Variants in SLC27A3 observed in about 807,000 individuals in gnomAD.
SLC27A3 encodes long-chain fatty acid transport protein 3.
In SLC27A3, 60 loss-of-function variants were observed where a neutral mutation model predicts 60.1. The ratio of observed to expected loss-of-function variants is 1.00; its 90% CI spans 0.81 to 1.24. The LOEUF (loss-of-function observed/expected upper bound fraction) is 1.24, where lower values mean the gene tolerates loss of function less well. SLC27A3 is among the 50% of genes most tolerant of loss of function. The probability of loss-of-function intolerance (pLI) is 0.00; values close to 1 mark genes in which losing one functional copy is unlikely to be tolerated. For synonymous variants in SLC27A3, 455 were observed against 409.0 expected, an observed-to-expected ratio of 1.11 and a Z score of -1.36; for missense variants, 1,079 against 929.9, an observed-to-expected ratio of 1.16 and a Z score of -2.09.
rs532402331 is a variant in SLC27A3, at chr1:153,776,076, C to A, written c.579C>A (p.Arg193=). 3.4e-6 allele frequency: 5 copies of A among 1,479,900 alleles called. No homozygotes were observed. Among genetic ancestry groups the A allele is most frequent in the Admixed American group, 2.6e-5 (1 of 39,166 alleles). 91.7% of individuals were successfully genotyped at this position (1,479,900 alleles called of 1,614,324 possible). A position where few individuals can be genotyped will look rare whatever the true frequency, so the allele number is the denominator to read the frequency against. ...LWFGLAKAGL[R]TAFVPTALRR... ...TCGGGCTGGCCAAGGCCGGCCTGCG[C>A]ACTGCCTTTGTGCCCACCGCCCTGC... Residue 193 remains arginine, a synonymous_variant, in exon 1 of 10, where the codon CGC becomes CGA. Transcript: ENST00000624995.
intron 3 of SLC27A3, chr1:153,777,536 T>C: frequency 1.6e-6 from 1 of 610,200 alleles, no homozygotes; most frequent in Non-Finnish European, 2.8e-6. Flanking sequence ...ATGAGATCTT[T>C]GGGGCTGGGA....
Position 153,779,185 on chromosome 1 carries a change from T to G in SLC27A3, c.1718T>G (p.Val573Gly). 1 of 1,613,936 alleles carries G rather than the reference T, an allele frequency of 6.2e-7. No individual in the cohort carries two copies. The highest frequency in any genetic ancestry group is 8.5e-7 in the Non-Finnish European group (1 of 1,179,964). ...VFEALDFLQE[V>G]NVYGVTVPGH... ...GAGGCCCTAGATTTTCTTCAGGAGG[T>G]GAACGTCTATGGAGTCACTGTGCCA... The change falls in exon 8 of 10, where the codon GTG becomes GGG. Residue 573 changes from valine (V) to glycine (G), a missense_variant. Val to Gly is a moderately radical substitution (Grantham distance 109). Coordinates refer to ENST00000624995, the MANE Select transcript of SLC27A3 (RefSeq NM_024330.4).
intron 1 of SLC27A3, 143 bp from the exon 2 acceptor site, chr1:153,776,374 TC>T: frequency 3.8e-6 from 5 of 1,314,798 alleles, no homozygotes; most frequent in Non-Finnish European, 5.1e-6. Context: ...GGAGTCGAGT[TC>T]CAGGCCTCAG....
intron 4 of SLC27A3, 132 bp from the exon 5 acceptor site, chr1:153,778,029 G>C: frequency 6.8e-7 from 1 of 1,474,420 alleles, no homozygotes; most frequent in South Asian, 1.3e-5. Context: ...AGATGGCCTA[G>C]GCCATCTGAT....
chr1:153,777,649 C>T (rs1396255808), intron 3 of SLC27A3, 112 bp from the exon 4 acceptor site: 4 of 1,360,598 alleles, frequency 2.9e-6, no homozygotes, highest in African/African-American at 1.4e-5. Flanking sequence ...CCACAGTGGG[C>T]CCTTCCCAGG....
At chr1:153,777,360 G>C (rs1673284120) in intron 3 of SLC27A3, 140 bp downstream of exon 3, 2 of 1,047,320 alleles carry the variant, frequency 1.9e-6, no homozygotes, top group African/African-American at 1.6e-5. Flanking sequence ...CTGTACAATA[G>C]GGCAATGTCA....
chr1:153,778,913 C>T (rs1673382726), intron 7 of SLC27A3, 28 bp downstream of exon 7: 2 of 1,601,918 alleles, frequency 1.2e-6, no homozygotes, highest in African/African-American at 1.3e-5. Context: ...GTTTTTCATC[C>T]TGGACATCTG....
At chr1:153,778,094 C>G in intron 4 of SLC27A3, 67 bp from the exon 5 acceptor site, 1 of 1,542,412 alleles carries the variant, frequency 6.5e-7, no homozygotes, top group Non-Finnish European at 8.7e-7. Context: ...GAATGGGGAA[C>G]AGGAATTCAC....
rs753997738 is a variant in SLC27A3 at position 153,780,053 on chromosome 1, C to T, written c.*51C>T. 15 of 1,529,396 alleles carry T rather than the reference C, an allele frequency of 9.8e-6. No individual in the cohort carries two copies. Among genetic ancestry groups the T allele is most frequent in the East Asian group, 2.4e-5 (1 of 41,814 alleles). 94.7% of individuals were successfully genotyped at this position (1,529,396 alleles called of 1,614,324 possible). A position where few individuals can be genotyped will look rare whatever the true frequency, so the allele number is the denominator to read the frequency against. ...GAGAGGAACTCTGTGGGGTGGGGGC[C>T]GTTGCAGGTGTACTGGGCTGTCAGG... On this transcript the variant is annotated 3_prime_UTR_variant, in exon 10 of 10. Coordinates refer to ENST00000624995, the MANE Select transcript of SLC27A3 (RefSeq NM_024330.4).
At position 153,779,564 on chromosome 1, in the gene SLC27A3, C is replaced by T; in HGVS notation, c.1875+91C>T. The T allele has an allele frequency of 3.5e-6, 5 of 1,430,538 alleles. No individual in the cohort carries two copies. In the South Asian group the frequency reaches 5.1e-5, roughly 15 times the overall value. The allele number at this position is 1,430,538 out of a possible 1,614,324, so 88.6% of individuals were successfully genotyped here. ...GTATCAACTTAGGAGTTTGATGGCT[C>T]CCAAACTCCACAAAGGGACCCCCAA... On this transcript the variant is annotated intron_variant, in intron 9 of 9. Coordinates refer to ENST00000624995, the MANE Select transcript of SLC27A3 (RefSeq NM_024330.4).
At chr1:153,777,578 C>A in intron 3 of SLC27A3, 183 bp from the exon 4 acceptor site, 1 of 751,400 alleles carries the variant, frequency 1.3e-6, no homozygotes, top group Non-Finnish European at 2.2e-6. Flanking sequence ...TCTTCTAAGG[C>A]TGGGGACAGG....
In SLC27A3 at chr1:153,777,848, T is replaced by C. The variant is rs146814975; in HGVS notation, c.1124T>C (p.Ile375Thr). 950 of 1,614,120 alleles carry C rather than the reference T, an allele frequency of 5.9e-4. No homozygotes were observed. Among genetic ancestry groups the C allele is most frequent in the Non-Finnish European group, 7.5e-4 (883 of 1,180,016 alleles). ...CACAGGGTGACGGTGTTCCAGTACA[T>C]TGGGGAGCTGTGCCGATACCTTGTC... The part of the protein sequence containing the change: ...QQHRVTVFQY[I>T]GELCRYLVNQ... The change falls in exon 4 of 10, where the codon ATT becomes ACT. Residue 375 changes from isoleucine (I) to threonine (T), a missense_variant. Coordinates refer to ENST00000624995, the MANE Select transcript of SLC27A3 (RefSeq NM_024330.4).
In SLC27A3 at chr1:153,775,529, T is replaced by C. The variant is rs761869783; in HGVS notation, c.32T>C (p.Leu11Pro). The change falls in exon 1 of 10, where the codon CTG becomes CCG. Residue 11 changes from leucine to proline, a missense_variant. Leu to Pro is a moderately conservative substitution (Grantham distance 98). Transcript: ENST00000624995. ...GCCCTCCTGCTGCTGCCCCTGCTGC[T>C]GTTGCTACCGCTGCTGCTGCTGAAG... MAALLLLPLL[L>P]LLPLLLLKLH... 1.2e-6 allele frequency: 2 copies of C among 1,612,804 alleles called. No individual in the cohort carries two copies. Among genetic ancestry groups the C allele is most frequent in the African/African-American group, 1.3e-5 (1 of 74,944 alleles).
In SLC27A3 at chr1:153,776,610, A is replaced by G; in HGVS notation, c.760A>G (p.Ile254Val). The G allele has an allele frequency of 1.2e-6, 2 of 1,614,216 alleles. No homozygotes were observed. The highest frequency in any genetic ancestry group is 1.7e-6 in the Non-Finnish European group (2 of 1,180,036). ...AAGPGTHPAG[I>V]SDLLAEVSAE... ...AGGCCCAGGAACCCACCCTGCTGGAATTAGCGATTTGCTGGCTGAAGTGTC... is the reference window on the plus strand; with the variant it reads ...AGGCCCAGGAACCCACCCTGCTGGAGTTAGCGATTTGCTGGCTGAAGTGTC... The change falls in exon 2 of 10, where the codon ATT becomes GTT. Residue 254 changes from isoleucine to valine, a missense_variant. By Grantham distance (29) the Ile-to-Val change is conservative. Coordinates refer to ENST00000624995, the MANE Select transcript of SLC27A3 (RefSeq NM_024330.4).
At chr1:153,779,529 T>G (rs1211019473) in intron 9 of SLC27A3, 56 bp downstream of exon 9, 2 of 1,570,976 alleles carry the variant, frequency 1.3e-6, no homozygotes, top group Non-Finnish European at 1.7e-6. Context: ...ACCCCACATA[T>G]CCACCCCGTG....
chr1:153,775,678 C>G lies in SLC27A3; in HGVS notation c.181C>G (p.Pro61Ala), dbSNP rs764018966. 12 of 1,534,356 alleles carry G rather than the reference C, an allele frequency of 7.8e-6. No homozygotes were observed. The highest frequency in any genetic ancestry group is 9.6e-6 in the Non-Finnish European group (11 of 1,142,796). Residue 61 changes from proline to alanine, a missense_variant, in exon 1 of 10, where the codon CCC (proline) becomes GCC (alanine). Pro to Ala is a conservative substitution (Grantham distance 27). Transcript: ENST00000624995. The part of the protein sequence containing the change: ...LAAAAADPEG[P>A]EGGCSLAWRL... The stretch of plus-strand genomic sequence containing the variant: ...CGCGGCTGCCGCCGACCCGGAAGGT[C>G]CCGAGGGGGGCTGCAGCCTGGCCTG...
rs757869123 is a variant in SLC27A3, at chr1:153,777,780, ATCC to A, written c.1057_1059del (p.Ser353del). ...TGGCAGGGGCCACAGTGGTGCTGAA[ATCC>A]AAGTTCTCGGCTGGTCAGTTCTGGG... On this transcript the variant is annotated inframe_deletion, in exon 4 of 10. Transcript: ENST00000624995. 1 of 1,613,980 alleles carries A rather than the reference ATCC, an allele frequency of 6.2e-7. No individual in the cohort carries two copies. Among genetic ancestry groups the A allele is most frequent in the Non-Finnish European group, 8.5e-7 (1 of 1,179,988 alleles).
Position 153,776,057 on chromosome 1 carries a change from T to C in SLC27A3, c.560T>C (p.Leu187Pro). Residue 187 changes from leucine (L) to proline (P), a missense_variant, in exon 1 of 10, where the codon CTG becomes CCG. Leu to Pro is a moderately conservative substitution (Grantham distance 98, BLOSUM62 -3). Coordinates refer to ENST00000624995, the MANE Select transcript of SLC27A3 (RefSeq NM_024330.4). ...GPEFLWLWFGLAKAGLRTAFV... is the reference protein window; with the variant it reads ...GPEFLWLWFGPAKAGLRTAFV... ...GAGTTTCTGTGGCTCTGGTTCGGGCTGGCCAAGGCCGGCCTGCGCACTGCC... is the reference window on the plus strand; with the variant it reads ...GAGTTTCTGTGGCTCTGGTTCGGGCCGGCCAAGGCCGGCCTGCGCACTGCC... 3 of 1,464,978 alleles carry C rather than the reference T, an allele frequency of 2.0e-6. No homozygotes were observed. The South Asian group carries it at 4.2e-5, about 21-fold the overall frequency. 90.7% of individuals were successfully genotyped at this position (1,464,978 alleles called of 1,614,324 possible).
At position 153,775,709 on chromosome 1, in the gene SLC27A3, T is replaced by A. The variant is rs1673162151; in HGVS notation, c.212T>A (p.Leu71His). 1.3e-6 allele frequency: 2 copies of A among 1,528,708 alleles called. No homozygotes were observed. Among genetic ancestry groups the A allele is most frequent in the Non-Finnish European group, 1.8e-6 (2 of 1,142,540 alleles). The allele number at this position is 1,528,708 out of a possible 1,614,324, so 94.7% of individuals were successfully genotyped here. ...PEGGCSLAWR[L>H]AELAQQRAAH... ...GGGGGCTGCAGCCTGGCCTGGCGCC[T>A]CGCGGAACTGGCCCAGCAGCGCGCC... is the stretch of plus-strand genomic sequence containing the variant. Residue 71 changes from leucine to histidine, a missense_variant, in exon 1 of 10, where the codon CTC becomes CAC. Leu to His is a moderately conservative substitution (Grantham distance 99). Coordinates refer to ENST00000624995, the MANE Select transcript of SLC27A3 (RefSeq NM_024330.4).
Sources: gnomAD v4.1 joint callset for allele counts on GRCh38, gnomAD v4.1.1 for gene constraint, MANE v1.5 for transcripts, NCBI Gene and HGNC (gene_info 2026-07-23, HGNC 2026-07-21) for gene names.